The following ANKS1B variants were observed in gnomAD, a reference collection of about 807,000 sequenced individuals.
ANKS1B encodes the protein ankyrin repeat and sterile alpha motif domain-containing protein 1B.
A neutral mutation model predicts 148.3 loss-of-function variants in ANKS1B; 36 were observed. That is an observed-to-expected ratio of 0.24 (90% confidence interval 0.19 to 0.32). The LOEUF is 0.32. ANKS1B is among the 10% of genes least tolerant of loss of function. The probability of loss-of-function intolerance (pLI) is 1.00; values close to 1 mark genes in which losing one functional copy is unlikely to be tolerated. For missense variants in ANKS1B, 1,157 were observed against 1,542.6 expected, an observed-to-expected ratio of 0.75 and a Z score of 4.19; for synonymous variants, 542 against 560.8, an observed-to-expected ratio of 0.97 and a Z score of 0.47.
chr12:99,976,742 C>T (rs924044932), intron 1 of ANKS1B, among the ~76,000 whole-genome samples: 1 of 152,140 alleles, frequency 6.6e-6, no homozygotes, highest in Non-Finnish European at 1.5e-5. Context: ...TAATAAGAAA[C>T]ATGATTCATA....
At chr12:99,882,683 A>G (rs1603430376) in intron 1 of ANKS1B, among the ~76,000 whole-genome samples, 1 of 152,156 alleles carries the variant, frequency 6.6e-6, no homozygotes, top group Non-Finnish European at 1.5e-5. Flanking sequence ...AGACAACACA[A>G]TGGGTGCAGT....
chr12:99,502,141 C>T (rs1214481961), intron 10 of ANKS1B, among the ~76,000 whole-genome samples: 1 of 152,090 alleles, frequency 6.6e-6, no homozygotes, highest in African/African-American at 2.4e-5. Context: ...ATTCCTTCCT[C>T]TATCACACCT....
At chr12:99,343,355 T>C (rs2090200786) in intron 12 of ANKS1B, among the ~76,000 whole-genome samples, 1 of 152,218 alleles carries the variant, frequency 6.6e-6, no homozygotes, top group African/African-American at 2.4e-5. Context: ...AAGTTTGTTT[T>C]TTTACACATA....
At chr12:99,133,171 C>A (rs2066730400) in intron 15 of ANKS1B, among the ~76,000 whole-genome samples, 1 of 151,774 alleles carries the variant, frequency 6.6e-6, no homozygotes, top group Non-Finnish European at 1.5e-5. Context: ...TCCGCCTCAG[C>A]CTCCCAAGTA....
At position 99,515,941 on chromosome 12, in the gene ANKS1B, G is replaced by A. The variant is rs1461023371; in HGVS notation, c.1273-11300C>T. Reference sequence around the variant, plus strand: ...ATGCTGAGCACCTTTTCATATGCCTGTTTGCCATTTGTATGTCTTCTTTTA... The same window carrying A: ...ATGCTGAGCACCTTTTCATATGCCTATTTGCCATTTGTATGTCTTCTTTTA... On this transcript the variant is annotated intron_variant, in intron 9 of 26. Transcript: ENST00000683438. Among the ~76,000 whole-genome samples the A allele has an allele frequency of 2.6e-5, 4 of 152,220 alleles. No homozygotes were observed. In the East Asian group the frequency reaches 7.7e-4, roughly 29 times the overall value.
intron 17 of ANKS1B, among the ~76,000 whole-genome samples, chr12:98,918,003 G>A (rs969158221): frequency 1.3e-4 from 20 of 152,200 alleles, no homozygotes; most frequent in Non-Finnish European, 2.5e-4. Context: ...CAGAAAATAA[G>A]TAGAGAGGCT....
intron 8 of ANKS1B, among the ~76,000 whole-genome samples, chr12:99,658,167 G>A (rs1001690998): frequency 6.6e-6 from 1 of 152,062 alleles, no homozygotes; most frequent in African/African-American, 2.4e-5. Context: ...GTGGTTAAGG[G>A]CTTGGGCTCT....
At chr12:99,641,060 C>T (rs2098298388) in intron 9 of ANKS1B, among the ~76,000 whole-genome samples, 1 of 152,152 alleles carries the variant, frequency 6.6e-6, no homozygotes. Flanking sequence ...ATTTTCTGAG[C>T]ACATACAAAT....
In ANKS1B at chr12:99,111,661, A is replaced by C. The variant is rs184112648; in HGVS notation, c.2527-26638T>G. Among the ~76,000 whole-genome samples the C allele has an allele frequency of 6.1e-3, 934 of 152,280 alleles. 5 individuals are homozygous for C. Among genetic ancestry groups the C allele is most frequent in the Middle Eastern group, 0.014 (4 of 294 alleles). ...ATTCCTTATAAGTATAAAAAATAAA[A>C]GCAGTTGATTAAGGGTTAGCAATTT... On this transcript the variant is annotated intron_variant, in intron 15 of 26. Coordinates refer to ENST00000683438, the MANE Select transcript of ANKS1B (RefSeq NM_001352186.2).
intron 17 of ANKS1B, among the ~76,000 whole-genome samples, chr12:98,855,431 G>A (rs1359962829): frequency 6.6e-6 from 1 of 152,090 alleles, no homozygotes; most frequent in Non-Finnish European, 1.5e-5. Context: ...GTCATTTATT[G>A]CTGCCTAATG....
chr12:99,464,225 G>C (rs560031771), intron 10 of ANKS1B, among the ~76,000 whole-genome samples: 1 of 152,188 alleles, frequency 6.6e-6, no homozygotes, highest in Admixed American at 6.5e-5. Flanking sequence ...ACCTGCAGCT[G>C]AGGGTCCTGT....
chr12:98,937,161 G>A (rs2099819558), intron 17 of ANKS1B, among the ~76,000 whole-genome samples: 1 of 152,274 alleles, frequency 6.6e-6, no homozygotes, highest in East Asian at 1.9e-4. Flanking sequence ...GGTAGAGGAG[G>A]ATGACATCAA....
chr12:99,099,069 C>T (rs1439629621), intron 15 of ANKS1B, among the ~76,000 whole-genome samples: 1 of 152,116 alleles, frequency 6.6e-6, no homozygotes, highest in Non-Finnish European at 1.5e-5. Flanking sequence ...TTTAGTCCTG[C>T]CCAACCTCCC....
chr12:99,183,936 T>A (rs990536961), intron 14 of ANKS1B, among the ~76,000 whole-genome samples: 10 of 152,300 alleles, frequency 6.6e-5, no homozygotes, highest in Admixed American at 3.3e-4. Flanking sequence ...AATGACAATA[T>A]GCAATGAAAA....
chr12:99,707,819 A>G (rs1168956890), intron 8 of ANKS1B, among the ~76,000 whole-genome samples: 2 of 152,120 alleles, frequency 1.3e-5, no homozygotes, highest in Non-Finnish European at 2.9e-5. Flanking sequence ...TATTATAACT[A>G]TATTGCTAAA....
Position 99,637,792 on chromosome 12 carries a change from TATATATATATA to T in ANKS1B, c.1272+17264_1272+17274del, listed in dbSNP as rs558490075. ...ACACTCCTTAATAAACTCCCCTTTC[TATATATATATA>T]ATATATATATAATATATATATACAC... On this transcript the variant is annotated intron_variant, in intron 9 of 26. Transcript: ENST00000683438. 5.3e-4 allele frequency among the ~76,000 whole-genome samples: 76 copies of T among 144,754 alleles called. 1 individual carries two copies. Among genetic ancestry groups the T allele is most frequent in the Middle Eastern group, 3.6e-3 (1 of 276 alleles). The allele number at this position is 144,754 out of a possible 152,430, so 95.0% of individuals were successfully genotyped here.
chr12:99,755,670 C>T (rs926049551), intron 8 of ANKS1B, among the ~76,000 whole-genome samples: 6 of 149,810 alleles, frequency 4.0e-5, no homozygotes, highest in Non-Finnish European at 7.4e-5. Flanking sequence ...ATCAAGCAGG[C>T]TCTATCCCTG....
rs372824326 is a variant in ANKS1B, at chr12:99,984,159, T to C, written c.79A>G (p.Lys27Glu). ...ALVEKLLSGR[K>E]GGILGGGSGP... is the part of the protein sequence containing the mutation. Reference sequence around the variant, plus strand: ...GATCCACCGCCCAGGATCCCTCCTTTCCTGCCAGACAGGAGTTTCTCCACC... The same window carrying C: ...GATCCACCGCCCAGGATCCCTCCTTCCCTGCCAGACAGGAGTTTCTCCACC... The change falls in exon 1 of 27, where the codon AAA becomes GAA. Residue 27 changes from lysine (K) to glutamate (E), a missense_variant. Around this residue, in one of 6 missense-constraint regions of ANKS1B, gnomAD observed 164 missense variants for 232.6 expected, o/e 0.71. Transcript: ENST00000683438. The C allele has an allele frequency of 6.2e-7, 1 of 1,613,896 alleles. No individual in the cohort carries two copies. The highest frequency in any genetic ancestry group is 8.5e-7 in the Non-Finnish European group (1 of 1,179,850).
chr12:99,471,648 GCA>G (rs3050679), intron 10 of ANKS1B, among the ~76,000 whole-genome samples: 428 of 148,624 alleles, frequency 2.9e-3, no homozygotes, highest in African/African-American at 7.3e-3. Flanking sequence ...ACATATGCGT[GCA>G]CACACACACA....
Sources: allele counts gnomAD v4.1 joint callset (sites outside exome capture counted in the v4.1 genomes callset), GRCh38; gene constraint gnomAD v4.1.1; regional missense constraint gnomAD v4.1.1; transcripts MANE v1.5; gene names NCBI Gene and HGNC (gene_info 2026-07-23, HGNC 2026-07-21).